NR3C2: variants seen among roughly 807,000 people sequenced by gnomAD.
The protein encoded by NR3C2 is nuclear receptor subfamily 3 group C member 2, also known as mineralocorticoid receptor.
A neutral mutation model predicts 86.4 loss-of-function variants in NR3C2; 15 were observed. The ratio of observed to expected loss-of-function variants is 0.17; its 90% CI spans 0.12 to 0.27. The LOEUF (loss-of-function observed/expected upper bound fraction) is 0.27. Among genes scored for constraint, NR3C2 ranks in the 10% least tolerant of loss-of-function variants. NR3C2 has a pLI of 1.00. For synonymous variants in NR3C2, 458 were observed against 450.5 expected (o/e 1.02, Z -0.21); for missense variants, 960 against 1,195.6 (o/e 0.80, Z 2.91).
intron 2 of NR3C2, among the ~76,000 whole-genome samples, chr4:148,261,341 CCTATGGTGCGCTATGGTAAGCG>C (rs1561006128): frequency 1.4e-4 from 12 of 87,294 alleles, no homozygotes; most frequent in South Asian, 4.3e-4. Flanking sequence ...TATGGTAAGC[CCTATGGTGCGCTATGGTAAGCG>C]CTATGGTGCG....
intron 2 of NR3C2, among the ~76,000 whole-genome samples, chr4:148,415,270 G>A (rs1247828027): frequency 2.6e-5 from 4 of 152,188 alleles, no homozygotes. Context: ...CAAATTTCAG[G>A]CCTGATAGAA....
At chr4:148,226,847 G>A (rs1372870069) in intron 3 of NR3C2, among the ~76,000 whole-genome samples, 1 of 152,110 alleles carries the variant, frequency 6.6e-6, no homozygotes, top group Non-Finnish European at 1.5e-5. Flanking sequence ...ATGATGTTGA[G>A]CATTTTTAAA....
At chr4:148,223,451 C>T (rs1157247115) in intron 3 of NR3C2, among the ~76,000 whole-genome samples, 2 of 152,150 alleles carry the variant, frequency 1.3e-5, no homozygotes, top group Non-Finnish European at 2.9e-5. Flanking sequence ...CTGTGTCTTT[C>T]CCACGGTGCC....
At chr4:148,083,987 A>G (rs112127465) in intron 8 of NR3C2, among the ~76,000 whole-genome samples, 4,563 of 152,310 alleles carry the variant, frequency 0.03, 227 homozygotes, top group African/African-American at 0.1. Context: ...AGAGTGAAAA[A>G]GAAACGAACA....
chr4:148,325,722 T>C (rs182782840), intron 2 of NR3C2, among the ~76,000 whole-genome samples: 15 of 152,326 alleles, frequency 9.8e-5, no homozygotes, highest in Admixed American at 9.2e-4. Context: ...CGGTAGCAAA[T>C]GGTAAGTTTT....
intron 4 of NR3C2, among the ~76,000 whole-genome samples, chr4:148,165,739 A>G (rs2149779406): frequency 6.6e-6 from 1 of 152,324 alleles, no homozygotes; most frequent in Admixed American, 6.5e-5. Context: ...CAAACAAAAT[A>G]ATAATCCTGT....
At chr4:148,236,102 T>C (rs564324931) in intron 3 of NR3C2, among the ~76,000 whole-genome samples, 14 of 152,312 alleles carry the variant, frequency 9.2e-5, no homozygotes, top group African/African-American at 3.1e-4. Flanking sequence ...CCCTTGGGAA[T>C]GGCAGAATTA....
intron 3 of NR3C2, among the ~76,000 whole-genome samples, chr4:148,227,396 T>C (rs1283699603): frequency 6.6e-6 from 1 of 152,200 alleles, no homozygotes; most frequent in Non-Finnish European, 1.5e-5. Context: ...TTACTGGTGA[T>C]ACTAACTTTG....
intron 3 of NR3C2, among the ~76,000 whole-genome samples, chr4:148,251,913 T>C (rs961541896): frequency 1.3e-5 from 2 of 152,186 alleles, no homozygotes; most frequent in Admixed American, 6.5e-5. Context: ...CCAGAGTTGT[T>C]GCCCTACTTT....
chr4:148,437,738 G>GCATT (rs1750147423), intron 1 of NR3C2, among the ~76,000 whole-genome samples: 1 of 152,084 alleles, frequency 6.6e-6, no homozygotes, highest in Non-Finnish European at 1.5e-5. Context: ...GAAAATTTAA[G>GCATT]CATTCATTCA....
chr4:148,142,814 G>A (rs898802481), intron 6 of NR3C2, among the ~76,000 whole-genome samples: 3 of 152,054 alleles, frequency 2.0e-5, no homozygotes, highest in Non-Finnish European at 4.4e-5. Flanking sequence ...GGTGGATTTC[G>A]AATCGATGGT....
chr4:148,191,749 TC>T, intron 4 of NR3C2, among the ~76,000 whole-genome samples: 2 of 152,338 alleles, frequency 1.3e-5, no homozygotes, highest in African/African-American at 4.8e-5. Context: ...GCTCTGAATT[TC>T]TTGCTTCTAC....
In NR3C2 at chr4:148,435,833, T is replaced by C; in HGVS notation, c.1028A>G (p.Tyr343Cys). ...ICSPVNNAFS[Y>C]TASGTSAGSS... ...TCCAGCAGAGGTGCCAGAAGCAGTG[T>C]AGCTGAAGGCATTGTTTACAGGGCT... The change falls in exon 2 of 9, where the codon TAC (tyrosine) becomes TGC (cysteine). Residue 343 changes from tyrosine (Y) to cysteine (C), a missense_variant. Transcript: ENST00000358102. 4 of 1,614,200 alleles carry C rather than the reference T, an allele frequency of 2.5e-6. No individual in the cohort carries two copies. Among genetic ancestry groups the C allele is most frequent in the South Asian group, 1.1e-5 (1 of 91,074 alleles).
intron 2 of NR3C2, among the ~76,000 whole-genome samples, chr4:148,393,703 G>A (rs923943818): frequency 1.6e-4 from 25 of 152,194 alleles, no homozygotes; most frequent in African/African-American, 5.3e-4. Flanking sequence ...ACCTCCTGAT[G>A]CTGAAATGTT....
At chr4:148,418,936 T>G (rs919045109) in intron 2 of NR3C2, among the ~76,000 whole-genome samples, 1 of 152,122 alleles carries the variant, frequency 6.6e-6, no homozygotes, top group African/African-American at 2.4e-5. Context: ...ATTCTCCCAT[T>G]TACCAAGATT....
chr4:148,340,780 A>G (rs560521433), intron 2 of NR3C2, among the ~76,000 whole-genome samples: 1 of 152,150 alleles, frequency 6.6e-6, no homozygotes, highest in Non-Finnish European at 1.5e-5. Context: ...AATTTAAAAA[A>G]CCAAATAATC....
intron 6 of NR3C2, among the ~76,000 whole-genome samples, chr4:148,147,676 C>A (rs552426387): frequency 6.6e-6 from 1 of 152,288 alleles, no homozygotes; most frequent in South Asian, 2.1e-4. Flanking sequence ...CAAGGGAGGA[C>A]CACGTCAGTG....
At chr4:148,414,842 T>C (rs1304550532) in intron 2 of NR3C2, among the ~76,000 whole-genome samples, 1 of 152,236 alleles carries the variant, frequency 6.6e-6, no homozygotes, top group East Asian at 1.9e-4. Flanking sequence ...ATCATAAATG[T>C]AAATCTAGAT....
At position 148,374,686 on chromosome 4, in the gene NR3C2, C is replaced by G. The variant is rs192087469; in HGVS notation, c.1757+60418G>C. On this transcript the variant is annotated intron_variant, in intron 2 of 8. Transcript: ENST00000358102. Reference sequence around the variant, plus strand: ...GAGGCAAAGTAGCCAATATTTTACCCAAGTTTTAAAATTATTTTCAATCAG... The same window carrying G: ...GAGGCAAAGTAGCCAATATTTTACCGAAGTTTTAAAATTATTTTCAATCAG... Among the ~76,000 whole-genome samples, 144 of 152,220 alleles carry G rather than the reference C, an allele frequency of 9.5e-4. 1 individual carries two copies. Among genetic ancestry groups the G allele is most frequent in the African/African-American group, 3.3e-3 (135 of 41,528 alleles).
Sources: allele counts gnomAD v4.1 joint callset (sites outside exome capture counted in the v4.1 genomes callset), GRCh38; gene constraint gnomAD v4.1.1; transcripts MANE v1.5; gene names NCBI Gene and HGNC (gene_info 2026-07-23, HGNC 2026-07-21).